TRIM71: variants seen among roughly 807,000 people sequenced by gnomAD.
TRIM71 encodes E3 ubiquitin-protein ligase TRIM71.
Under a neutral mutation model 61.2 loss-of-function variants are expected in TRIM71, and 9 were observed. The ratio of observed to expected loss-of-function variants is 0.15; its 90% confidence interval spans 0.09 to 0.26. The LOEUF is 0.26. TRIM71 is among the 10% of genes least tolerant of loss of function. The pLI is 1.00. For synonymous variants in TRIM71, 645 were observed against 553.2 expected (o/e 1.17, Z -2.33); for missense variants, 998 against 1,238.7 (o/e 0.81, Z 2.92).
At chr3:32,863,481 T>A (rs1234517179) in intron 1 of TRIM71, among the ~76,000 whole-genome samples, 1 of 152,164 alleles carries the variant, frequency 6.6e-6, no homozygotes, top group Non-Finnish European at 1.5e-5. Flanking sequence ...ATATAGATTT[T>A]CTCTAATTCC....
intron 1 of TRIM71, among the ~76,000 whole-genome samples, chr3:32,838,585 C>G (rs1429432580): frequency 1.4e-5 from 2 of 147,330 alleles, no homozygotes; most frequent in African/African-American, 5.1e-5. Context: ...GAAGTCCTAA[C>G]GCAGAATGCC....
chr3:32,856,436 C>T (rs1696605839), intron 1 of TRIM71, among the ~76,000 whole-genome samples: 1 of 151,966 alleles, frequency 6.6e-6, no homozygotes, highest in Non-Finnish European at 1.5e-5. Context: ...TCTCAGCTGG[C>T]CTTATTCAGT....
intron 1 of TRIM71, among the ~76,000 whole-genome samples, chr3:32,847,721 T>C (rs934158047): frequency 2.0e-5 from 3 of 152,178 alleles, no homozygotes; most frequent in East Asian, 1.9e-4. Context: ...GACAAATGAA[T>C]GTGCTGACAA....
intron 1 of TRIM71, among the ~76,000 whole-genome samples, chr3:32,838,617 A>C (rs1156437262): frequency 2.0e-5 from 3 of 149,728 alleles, no homozygotes; most frequent in Non-Finnish European, 4.4e-5. Context: ...ATTCTCCCAG[A>C]GGCAGTTGAT....
At chr3:32,879,602 G>GT (rs1325540307) in intron 2 of TRIM71, among the ~76,000 whole-genome samples, 1 of 151,672 alleles carries the variant, frequency 6.6e-6, no homozygotes, top group Admixed American at 6.6e-5. Flanking sequence ...CACAGAGACA[G>GT]TATGGGCTTT....
Position 32,891,924 on chromosome 3 carries a change from ATTTCTTT to A in TRIM71, c.*124_*130del, listed in dbSNP as rs767494078. The A allele has an allele frequency of 1.3e-4, 184 of 1,430,162 alleles. No homozygotes were observed. Among genetic ancestry groups the A allele is most frequent in the Non-Finnish European group, 1.6e-4 (178 of 1,091,054 alleles). 88.6% of individuals were successfully genotyped at this position (1,430,162 alleles called of 1,614,324 possible). A position where few individuals can be genotyped will look rare whatever the true frequency, so the allele number is the denominator to read the frequency against. ...TCAAAGAAGAAACAGTCTCAGGGAA[ATTTCTTT>A]TTTCTTTTTTTTTTTTAAAGAGAAC... On this transcript the variant is annotated 3_prime_UTR_variant, in exon 4 of 4. Coordinates refer to ENST00000383763, the MANE Select transcript of TRIM71 (RefSeq NM_001039111.3). The surrounding 1 kb of genome is among the most constrained non-coding windows in gnomAD (Gnocchi z 8.2).
intron 2 of TRIM71, among the ~76,000 whole-genome samples, chr3:32,877,324 G>A (rs367582406): frequency 1.5e-4 from 23 of 152,044 alleles, no homozygotes; most frequent in African/African-American, 5.1e-4. Context: ...GGCTGGTCTC[G>A]AACTCTTGAC....
chr3:32,860,765 C>T (rs1696657847), intron 1 of TRIM71, among the ~76,000 whole-genome samples: 1 of 152,212 alleles, frequency 6.6e-6, no homozygotes, highest in Non-Finnish European at 1.5e-5. Context: ...CTGGCCTGGC[C>T]TGGGCTCTGC....
chr3:32,859,758 C>G (rs1243523500), intron 1 of TRIM71, among the ~76,000 whole-genome samples: 3 of 152,182 alleles, frequency 2.0e-5, no homozygotes, highest in Non-Finnish European at 2.9e-5. Context: ...GCTGTAATGA[C>G]TGCTTCTTTG....
At chr3:32,876,601 A>C (rs1439251450) in intron 2 of TRIM71, among the ~76,000 whole-genome samples, 2 of 151,936 alleles carry the variant, frequency 1.3e-5, no homozygotes, top group African/African-American at 4.8e-5. Flanking sequence ...CAAACAGACA[A>C]ACAAAAAGAG....
At chr3:32,820,190 G>T (rs1260543010) in intron 1 of TRIM71, among the ~76,000 whole-genome samples, 4 of 152,208 alleles carry the variant, frequency 2.6e-5, no homozygotes, top group Admixed American at 1.3e-4. Context: ...GTCGTGGCCT[G>T]TGTGAGCTGG....
intron 2 of TRIM71, among the ~76,000 whole-genome samples, chr3:32,885,506 C>A (rs1696951540): frequency 6.6e-6 from 1 of 152,154 alleles, no homozygotes; most frequent in Admixed American, 6.5e-5. Flanking sequence ...CGCACACCCT[C>A]ACGTAAGGGA....
intron 1 of TRIM71, among the ~76,000 whole-genome samples, chr3:32,860,125 C>T (rs1323720939): frequency 7.1e-6 from 1 of 139,900 alleles, no homozygotes; most frequent in Non-Finnish European, 1.6e-5. Context: ...CTCCTCTCCT[C>T]CCCTCCCCTC....
intron 2 of TRIM71, among the ~76,000 whole-genome samples, chr3:32,878,032 G>T (rs768499404): frequency 1.1e-4 from 17 of 152,186 alleles, no homozygotes; most frequent in Non-Finnish European, 2.2e-4. Flanking sequence ...TTTGCAAAAG[G>T]ATTACAAATG....
chr3:32,820,005 G>A (rs376118845), intron 1 of TRIM71, among the ~76,000 whole-genome samples: 9 of 152,220 alleles, frequency 5.9e-5, no homozygotes, highest in Non-Finnish European at 1.3e-4. Context: ...TGCGAGTGTC[G>A]TCTTCTCCCC....
intron 1 of TRIM71, among the ~76,000 whole-genome samples, chr3:32,830,149 C>T (rs1375803483): frequency 1.3e-5 from 2 of 152,084 alleles, no homozygotes. Context: ...TCTTGAACTC[C>T]TGACCTCAGG....
chr3:32,869,608 A>G (rs1228976640), intron 1 of TRIM71, among the ~76,000 whole-genome samples: 1 of 152,262 alleles, frequency 6.6e-6, no homozygotes, highest in Non-Finnish European at 1.5e-5. Flanking sequence ...AACACTGGCT[A>G]AGGTACAAAC....
At chr3:32,887,196 G>A (rs1696970247) in intron 3 of TRIM71, among the ~76,000 whole-genome samples, 1 of 152,126 alleles carries the variant, frequency 6.6e-6, no homozygotes, top group African/African-American at 2.4e-5. Context: ...CTTTGTGTGT[G>A]GGGGTTTCTG....
At chr3:32,884,065 A>G (rs1184662434) in intron 2 of TRIM71, among the ~76,000 whole-genome samples, 1 of 152,178 alleles carries the variant, frequency 6.6e-6, no homozygotes, top group African/African-American at 2.4e-5. Flanking sequence ...TCTTAGGCAG[A>G]GAATGCAGTG....
Sources: allele counts gnomAD v4.1 joint callset (sites outside exome capture counted in the v4.1 genomes callset), GRCh38; gene constraint gnomAD v4.1.1; non-coding constraint Gnocchi (gnomAD v3.1); transcripts MANE v1.5; gene names NCBI Gene and HGNC (gene_info 2026-07-23, HGNC 2026-07-21).